TRNT1: variants seen among roughly 807,000 people sequenced by gnomAD.
TRNT1 encodes the protein tRNA nucleotidyl transferase 1.
A neutral mutation model predicts 45.6 loss-of-function variants in TRNT1; 44 were observed. The ratio of observed to expected loss-of-function variants is 0.97; its 90% CI spans 0.76 to 1.24. The LOEUF (loss-of-function observed/expected upper bound fraction) is 1.24. Ranked by LOEUF, TRNT1 falls within the 50% of genes most tolerant of loss-of-function variation. The pLI is 0.00. For missense variants in TRNT1, 633 were observed against 504.4 expected (o/e 1.25, Z -2.44); for synonymous variants, 201 against 171.4 (o/e 1.17, Z -1.35).
At chr3:3,143,138 C>T (rs1188620771) in intron 4 of TRNT1, among the ~76,000 whole-genome samples, 2 of 152,170 alleles carry the variant, frequency 1.3e-5, no homozygotes, top group African/African-American at 4.8e-5. Context: ...CTGACCTCCC[C>T]ATTTGGTGAG....
At chr3:3,152,315 G>T, downstream of TRNT1, 1 of 918,106 alleles carries the variant, frequency 1.1e-6, no homozygotes, top group Non-Finnish European at 1.7e-6. Flanking sequence ...CCCATACCCG[G>T]CTAATTTTTG....
At chr3:3,127,885 C>T (rs1044155276) in intron 1 of TRNT1, 3 of 152,164 alleles carry the variant, frequency 2.0e-5, no homozygotes, top group Non-Finnish European at 4.4e-5. Flanking sequence ...TGCTTATTCT[C>T]GCTGCCCAAT....
chr3:3,152,149 A>ATTT (rs1281333410), downstream of TRNT1, among the ~76,000 whole-genome samples: 17 of 68,602 alleles, frequency 2.5e-4, no homozygotes, highest in Admixed American at 5.5e-4. Context: ...CATTTAAATA[A>ATTT]ATTTTTTTTT....
downstream of TRNT1, chr3:3,152,840 C>T (rs1706674927): frequency 3.9e-6 from 2 of 518,694 alleles, no homozygotes; most frequent in Non-Finnish European, 6.9e-6. Flanking sequence ...TTTTTAAAAC[C>T]CTCCTCAAGA....
chr3:3,149,345 G>A (rs1365712892), downstream of TRNT1: 2 of 152,168 alleles, frequency 1.3e-5, no homozygotes, highest in South Asian at 2.1e-4. Context: ...TACTATTTCT[G>A]TATAGAAAGT....
chr3:3,142,754 G>C (rs912337890), intron 4 of TRNT1, among the ~76,000 whole-genome samples: 2 of 152,092 alleles, frequency 1.3e-5, no homozygotes, highest in Non-Finnish European at 2.9e-5. Context: ...AGGTTCCCCA[G>C]GGACGGTTAC....
downstream of TRNT1, among the ~76,000 whole-genome samples, chr3:3,152,036 A>C (rs1420068318): frequency 6.6e-6 from 1 of 152,238 alleles, no homozygotes; most frequent in Non-Finnish European, 1.5e-5. Flanking sequence ...TGGATACAGT[A>C]ATCTGAGGAC....
At chr3:3,131,207 C>T (rs1704998325) in intron 2 of TRNT1, 1 of 152,110 alleles carries the variant, frequency 6.6e-6, no homozygotes, top group Non-Finnish European at 1.5e-5. Context: ...GTACAAGTGG[C>T]TGCTGTTTGA....
intron 1 of TRNT1, chr3:3,128,038 G>GTT (rs1240302963): frequency 6.6e-6 from 1 of 152,218 alleles, no homozygotes; most frequent in Non-Finnish European, 1.5e-5. Context: ...ATGTTTATGT[G>GTT]TAAGTGTGCA....
chr3:3,152,733 T>A (rs1330502414), downstream of TRNT1: 3 of 1,006,236 alleles, frequency 3.0e-6, no homozygotes, highest in Non-Finnish European at 4.5e-6. Flanking sequence ...ACCAGGATCT[T>A]AGTATGAAAA....
At chr3:3,150,876 G>GT, downstream of TRNT1, 1 of 1,613,532 alleles carries the variant, frequency 6.2e-7, no homozygotes, top group Non-Finnish European at 8.5e-7. Context: ...TACAAGCAAA[G>GT]TATTACTTTG....
At chr3:3,149,554 T>A (rs1241469023), downstream of TRNT1, 2 of 151,462 alleles carry the variant, frequency 1.3e-5, no homozygotes, top group East Asian at 1.9e-4. Context: ...AGAGGTACTA[T>A]GCTACTGACA....
At position 3,147,551 on chromosome 3, in the gene TRNT1, G is replaced by A; in HGVS notation, c.904G>A (p.Val302Ile). The A allele has an allele frequency of 6.2e-7, 1 of 1,613,960 alleles. No homozygotes were observed. Among genetic ancestry groups the A allele is most frequent in the Non-Finnish European group, 8.5e-7 (1 of 1,179,892 alleles). The change falls in exon 7 of 8, where the codon GTA (valine) becomes ATA (isoleucine). Residue 302 changes from valine to isoleucine, a missense_variant. Coordinates refer to ENST00000251607, the MANE Select transcript of TRNT1 (RefSeq NM_182916.3). ...GACTCTTTTGGCCTCATTATTCAAA[G>A]TACAAGATGATGTCACAAAATTGGA... Reference protein sequence around the residue: ...PVTLLASLFKVQDDVTKLDLR... With the variant: ...PVTLLASLFKIQDDVTKLDLR...
downstream of TRNT1, chr3:3,149,719 A>AGTG (rs1706349957): frequency 6.6e-6 from 1 of 152,136 alleles, no homozygotes; most frequent in African/African-American, 2.4e-5. Context: ...AGTATTCTTG[A>AGTG]ATTTTCATTT....
At chr3:3,145,606 C>G (rs1428815642) in intron 5 of TRNT1, 1 of 151,496 alleles carries the variant, frequency 6.6e-6, no homozygotes, top group Non-Finnish European at 1.5e-5. Context: ...CACACACTAA[C>G]CTTTTTAAAA....
Position 3,148,280 on chromosome 3 carries a change from G to A in TRNT1, c.*126G>A. The stretch of plus-strand genomic sequence containing the variant: ...TTAGGGGACCTCTGTAGAACAACAA[G>A]GGTCTTATTTTGTGAATTATATATT... On this transcript the variant is annotated 3_prime_UTR_variant, in exon 8 of 8. Coordinates refer to ENST00000251607, the MANE Select transcript of TRNT1 (RefSeq NM_182916.3). The A allele has an allele frequency of 1.0e-6, 1 of 986,262 alleles. No individual in the cohort carries two copies. 61.1% of individuals were successfully genotyped at this position (986,262 alleles called of 1,614,324 possible).
rs1553553306 is a variant in TRNT1 at position 3,137,344 on chromosome 3, T to C, written c.233T>C (p.Ile78Thr). 3 of 1,613,932 alleles carry C rather than the reference T, an allele frequency of 1.9e-6. No homozygotes were observed. Among genetic ancestry groups the C allele is most frequent in the Non-Finnish European group, 2.5e-6 (3 of 1,179,880 alleles). The change falls in exon 3 of 8, where the codon ATA becomes ACA. Residue 78 changes from isoleucine (I) to threonine (T), a missense_variant. Coordinates refer to ENST00000251607, the MANE Select transcript of TRNT1 (RefSeq NM_182916.3). ...TTAAATGGAGTAAAGCCTCAGGATATAGATTTTGCCACCACTGCTACCCCT... is the reference window on the plus strand; with the variant it reads ...TTAAATGGAGTAAAGCCTCAGGATACAGATTTTGCCACCACTGCTACCCCT... ...DLLNGVKPQD[I>T]DFATTATPTQ...
At chr3:3,149,984 T>G (rs1040323175), downstream of TRNT1, 5 of 152,152 alleles carry the variant, frequency 3.3e-5, no homozygotes, top group African/African-American at 1.2e-4. Context: ...TGAGTAGATA[T>G]TTTACATTAT....
At position 3,146,632 on chromosome 3, in the gene TRNT1, A is replaced by C. The variant is rs1671522632; in HGVS notation, c.802+9A>C. The C allele has an allele frequency of 2.6e-6, 4 of 1,529,378 alleles. No homozygotes were observed. The highest frequency in any genetic ancestry group is 8.8e-7 in the Non-Finnish European group (1 of 1,138,144). 94.7% of individuals were successfully genotyped at this position (1,529,378 alleles called of 1,614,324 possible). A position where few individuals can be genotyped will look rare whatever the true frequency, so the allele number is the denominator to read the frequency against. On this transcript the variant is annotated intron_variant, in intron 6 of 7. Transcript: ENST00000251607. ...TGTGGCTCCTTATATAGGTGAGAGC[A>C]AGTTATAAAGTGTTTGAATTTTTGG...
Sources: gnomAD v4.1 joint callset for allele counts (sites outside exome capture counted in the v4.1 genomes callset) on GRCh38, gnomAD v4.1.1 for gene constraint, MANE v1.5 for transcripts, NCBI Gene and HGNC (gene_info 2026-07-23, HGNC 2026-07-21) for gene names.